Variants in IQUB observed in about 807,000 individuals in gnomAD.
IQUB encodes the protein IQ motif and ubiquitin-like domain-containing protein.
A neutral mutation model predicts 86.4 loss-of-function variants in IQUB; 86 were observed. That is an observed-to-expected ratio of 1.00 (90% confidence interval 0.84 to 1.19). The LOEUF (loss-of-function observed/expected upper bound fraction) is 1.19, where lower values mean the gene tolerates loss of function less well. Ranked by LOEUF, IQUB falls within the 50% of genes most tolerant of loss-of-function variation. IQUB has a pLI of 0.00. For synonymous variants in IQUB, 289 were observed against 304.5 expected (o/e 0.95, Z 0.53); for missense variants, 946 against 916.9 (o/e 1.03, Z -0.41).
At chr7:123,526,830 C>A (rs2117365509) in intron 1 of IQUB, among the ~76,000 whole-genome samples, 1 of 152,252 alleles carries the variant, frequency 6.6e-6, no homozygotes, top group South Asian at 2.1e-4. Context: ...TTTGCAGCGG[C>A]TGGTACCAGT....
At chr7:123,456,471 C>T (rs1201618769) in intron 12 of IQUB, among the ~76,000 whole-genome samples, 1 of 151,930 alleles carries the variant, frequency 6.6e-6, no homozygotes, top group East Asian at 1.9e-4. Flanking sequence ...CTTAGCCTGG[C>T]TTCTTAAAAC....
chr7:123,465,086 A>G (rs968345032), intron 9 of IQUB, 77 bp from the exon 10 acceptor site: 2 of 867,908 alleles, frequency 2.3e-6, no homozygotes, highest in African/African-American at 3.4e-5. Context: ...ACCAAAACAA[A>G]CCAAAATCTA....
intron 3 of IQUB, among the ~76,000 whole-genome samples, chr7:123,504,180 C>T (rs10280991): frequency 0.27 from 40,867 of 151,910 alleles, 5,648 homozygotes; most frequent in East Asian, 0.33. Context: ...CCACACATGG[C>T]GGTTCATGCT....
At chr7:123,474,027 C>A (rs1794652103) in intron 8 of IQUB, among the ~76,000 whole-genome samples, 1 of 151,986 alleles carries the variant, frequency 6.6e-6, no homozygotes, top group Non-Finnish European at 1.5e-5. Context: ...TCTATTAGTT[C>A]AATGCTTTGA....
At chr7:123,458,077 G>C (rs994493786) in intron 11 of IQUB, 10 of 151,622 alleles carry the variant, frequency 6.6e-5, no homozygotes, top group African/African-American at 2.4e-4. Context: ...TCAGTATATG[G>C]GCTGCTGAAG....
intron 1 of IQUB, among the ~76,000 whole-genome samples, chr7:123,513,863 G>T (rs1170121607): frequency 6.6e-6 from 1 of 152,122 alleles, no homozygotes; most frequent in Non-Finnish European, 1.5e-5. Context: ...TGGCCAGGCT[G>T]GTCTCAAACT....
chr7:123,452,612 C>A lies in IQUB; in HGVS notation c.*131G>T. On this transcript the variant is annotated 3_prime_UTR_variant, in exon 13 of 13. Coordinates refer to ENST00000324698, the MANE Select transcript of IQUB (RefSeq NM_178827.5). ...AGAAATGTTTTCTCTTTATATAACT[C>A]AAAATACTATGAAAAACAAAAAACA... 1.9e-6 allele frequency: 1 copy of A among 512,992 alleles called. No individual in the cohort carries two copies. The highest frequency in any genetic ancestry group is 3.2e-6 in the Non-Finnish European group (1 of 310,606). The allele number at this position is 512,992 out of a possible 1,614,324, so 31.8% of individuals were successfully genotyped here.
intron 7 of IQUB, among the ~76,000 whole-genome samples, 153 bp from the exon 8 acceptor site, chr7:123,480,123 T>C (rs530239067): frequency 6.6e-6 from 1 of 151,954 alleles, no homozygotes; most frequent in East Asian, 1.9e-4. Context: ...ATGAAAAAAG[T>C]GACGAAATGG....
intron 3 of IQUB, among the ~76,000 whole-genome samples, chr7:123,507,439 T>C (rs981676940): frequency 4.6e-5 from 7 of 152,254 alleles, no homozygotes; most frequent in African/African-American, 1.7e-4. Flanking sequence ...ATTTTTGACA[T>C]ATGATGTTTC....
intron 11 of IQUB, among the ~76,000 whole-genome samples, 198 bp downstream of exon 11, chr7:123,461,158 CT>C (rs201757533): frequency 1.3e-5 from 2 of 151,712 alleles, no homozygotes; most frequent in East Asian, 3.9e-4. Context: ...TAAATAAAAA[CT>C]TGGTACTGTA....
intron 1 of IQUB, among the ~76,000 whole-genome samples, chr7:123,522,639 A>G (rs1161731618): frequency 6.6e-6 from 1 of 152,198 alleles, no homozygotes; most frequent in East Asian, 1.9e-4. Flanking sequence ...GGCTAATGAT[A>G]ATTATACATT....
chr7:123,516,319 G>C (rs1453694704), intron 1 of IQUB, among the ~76,000 whole-genome samples: 1 of 152,170 alleles, frequency 6.6e-6, no homozygotes, highest in Non-Finnish European at 1.5e-5. Context: ...TAAAAATAAT[G>C]TCATAAAGTC....
chr7:123,528,051 G>A (rs1797342541), intron 1 of IQUB, among the ~76,000 whole-genome samples: 1 of 152,226 alleles, frequency 6.6e-6, no homozygotes, highest in African/African-American at 2.4e-5. Context: ...GAAAAGCGCA[G>A]TATTCGGGTG....
At chr7:123,518,172 C>T (rs988514540) in intron 1 of IQUB, among the ~76,000 whole-genome samples, 1 of 151,406 alleles carries the variant, frequency 6.6e-6, no homozygotes, top group Non-Finnish European at 1.5e-5. Context: ...CACCCATTAT[C>T]CAGCCACTCA....
chr7:123,484,511 G>A (rs1795137765), intron 7 of IQUB, among the ~76,000 whole-genome samples: 1 of 151,896 alleles, frequency 6.6e-6, no homozygotes, highest in South Asian at 2.1e-4. Flanking sequence ...TACTGCAAAA[G>A]TGAATAAAAA....
At chr7:123,503,965 C>T (rs1796062016) in intron 3 of IQUB, among the ~76,000 whole-genome samples, 2 of 151,904 alleles carry the variant, frequency 1.3e-5, no homozygotes, top group Non-Finnish European at 2.9e-5. Context: ...AAAATAAAGA[C>T]ATTCTATGGT....
In IQUB at chr7:123,479,910, G is replaced by C; in HGVS notation, c.1295C>G (p.Ala432Gly). The C allele has an allele frequency of 2.5e-6, 4 of 1,612,982 alleles. No homozygotes were observed. The South Asian group carries it at 3.3e-5, about 13-fold the overall frequency. The part of the protein sequence containing the change: ...NQSFTGAERK[A>G]ALCELLEKET... Reference sequence around the variant, plus strand: ...TTTTTCCAGAAGTTCACACAGAGCAGCTTTCCTTTCAGCTCCAGTAAAAGA... The same window carrying C: ...TTTTTCCAGAAGTTCACACAGAGCACCTTTCCTTTCAGCTCCAGTAAAAGA... Residue 432 changes from alanine to glycine, a missense_variant, in exon 8 of 13, where the codon GCT becomes GGT. By Grantham distance (60) the Ala-to-Gly change is moderately conservative. Coordinates refer to ENST00000324698, the MANE Select transcript of IQUB (RefSeq NM_178827.5).
intron 7 of IQUB, among the ~76,000 whole-genome samples, chr7:123,487,856 G>A (rs982692564): frequency 6.6e-6 from 1 of 152,174 alleles, no homozygotes; most frequent in Admixed American, 6.5e-5. Context: ...ACCCATGAGT[G>A]AGAGTATTTT....
intron 3 of IQUB, among the ~76,000 whole-genome samples, chr7:123,504,674 C>T (rs754197053): frequency 7.2e-5 from 11 of 152,024 alleles, no homozygotes; most frequent in East Asian, 3.9e-4. Flanking sequence ...GGGGGAAATC[C>T]GCACCCATGA....
Sources: gnomAD v4.1 joint callset for allele counts (sites outside exome capture counted in the v4.1 genomes callset) on GRCh38, gnomAD v4.1.1 for gene constraint, MANE v1.5 for transcripts, NCBI Gene and HGNC (gene_info 2026-07-23, HGNC 2026-07-21) for gene names.